Variants in GSG1L observed in about 807,000 individuals in gnomAD.
GSG1L encodes the protein germ cell-specific gene 1-like protein.
A neutral mutation model predicts 42.1 loss-of-function variants in GSG1L; 24 were observed. The ratio of observed to expected loss-of-function variants is 0.57; its 90% CI spans 0.41 to 0.80. The LOEUF (loss-of-function observed/expected upper bound fraction) is 0.80. GSG1L is among the 30% of genes least tolerant of loss of function. The pLI is 0.00. For synonymous variants in GSG1L, 215 were observed against 203.5 expected (o/e 1.06, Z -0.48); for missense variants, 445 against 472.2 (o/e 0.94, Z 0.53).
intron 1 of GSG1L, among the ~76,000 whole-genome samples, chr16:27,998,042 A>G (rs943295751): frequency 6.4e-4 from 98 of 152,024 alleles, no homozygotes; most frequent in African/African-American, 2.1e-3. Flanking sequence ...TTTTTAGTAG[A>G]GATGGGGCTT....
intron 5 of GSG1L, among the ~76,000 whole-genome samples, chr16:27,809,877 C>T (rs2083011639): frequency 6.6e-6 from 1 of 152,172 alleles, no homozygotes; most frequent in South Asian, 2.1e-4. Context: ...ATCTCTGTTC[C>T]CTGACTCTTC....
intron 1 of GSG1L, among the ~76,000 whole-genome samples, chr16:28,035,082 A>G (rs1199277013): frequency 6.6e-6 from 1 of 152,130 alleles, no homozygotes; most frequent in African/African-American, 2.4e-5. Context: ...TGGCATGATC[A>G]TTTAACCTCA....
intron 2 of GSG1L, among the ~76,000 whole-genome samples, chr16:27,931,814 C>G (rs2084660328): frequency 6.6e-6 from 1 of 152,142 alleles, no homozygotes; most frequent in Admixed American, 6.5e-5. Context: ...ACTAAGAGAA[C>G]AGACAGGCAC....
chr16:27,804,609 A>G lies in GSG1L; in HGVS notation c.898+2878T>C, dbSNP rs1046708386. 2.0e-5 allele frequency among the ~76,000 whole-genome samples: 3 copies of G among 150,560 alleles called. No individual in the cohort carries two copies. The East Asian group carries it at 6.0e-4, about 30-fold the overall frequency. On this transcript the variant is annotated intron_variant, in intron 6 of 6. Transcript: ENST00000447459. ...GCTGACGTGCAGCAGATGCTCAATA[A>G]ACACTCACCAAGGAATGAAAGATGA... is the stretch of plus-strand genomic sequence containing the variant.
intron 5 of GSG1L, among the ~76,000 whole-genome samples, chr16:27,808,142 T>C (rs2082990052): frequency 6.6e-6 from 1 of 151,404 alleles, no homozygotes; most frequent in African/African-American, 2.4e-5. Context: ...TGGAGTGTAG[T>C]AGCACAATCG....
intron 3 of GSG1L, among the ~76,000 whole-genome samples, chr16:27,863,896 A>T (rs968150391): frequency 6.6e-6 from 1 of 152,204 alleles, no homozygotes; most frequent in Admixed American, 6.5e-5. Context: ...TACCTAGCTC[A>T]AACTGGGTTT....
chr16:28,029,433 C>G (rs2085932357), intron 1 of GSG1L, among the ~76,000 whole-genome samples: 1 of 152,186 alleles, frequency 6.6e-6, no homozygotes, highest in South Asian at 2.1e-4. Flanking sequence ...TCTAGTCCAT[C>G]TGGCATAGCA....
At chr16:27,983,843 T>C (rs1455026073) in intron 1 of GSG1L, among the ~76,000 whole-genome samples, 1 of 152,200 alleles carries the variant, frequency 6.6e-6, no homozygotes, top group African/African-American at 2.4e-5. Context: ...GCATCTCAGC[T>C]TGCAGGAAAA....
At chr16:27,821,384 C>A (rs1387877725) in intron 5 of GSG1L, among the ~76,000 whole-genome samples, 2 of 152,050 alleles carry the variant, frequency 1.3e-5, no homozygotes, top group Non-Finnish European at 2.9e-5. Flanking sequence ...TCCCATCACC[C>A]AAACCCTGAA....
chr16:27,979,858 G>GAGAA (rs981592995), intron 1 of GSG1L, among the ~76,000 whole-genome samples: 1 of 150,510 alleles, frequency 6.6e-6, no homozygotes, highest in African/African-American at 2.4e-5. Context: ...GGAAGGAAAA[G>GAGAA]AGAAAGAAAG....
chr16:27,931,341 A>C (rs907415803), intron 2 of GSG1L, among the ~76,000 whole-genome samples: 1 of 152,112 alleles, frequency 6.6e-6, no homozygotes, highest in African/African-American at 2.4e-5. Flanking sequence ...ACCGTGCTCA[A>C]ACGGCTGGCT....
chr16:27,915,307 G>C (rs2084441310), intron 2 of GSG1L, among the ~76,000 whole-genome samples: 1 of 152,098 alleles, frequency 6.6e-6, no homozygotes, highest in Non-Finnish European at 1.5e-5. Context: ...GAAGAGCCAA[G>C]GGAGTCTGTG....
At chr16:27,936,965 C>T (rs979162173) in intron 2 of GSG1L, among the ~76,000 whole-genome samples, 8 of 152,320 alleles carry the variant, frequency 5.3e-5, no homozygotes, top group Admixed American at 3.9e-4. Context: ...AACAGAAGAG[C>T]TCTTTTCTGC....
chr16:27,796,691 T>C (rs552610716), intron 6 of GSG1L, among the ~76,000 whole-genome samples: 13 of 152,202 alleles, frequency 8.5e-5, no homozygotes, highest in Non-Finnish European at 1.6e-4. Context: ...TTTTAGGAGA[T>C]TGAATGGGGG....
intron 2 of GSG1L, among the ~76,000 whole-genome samples, chr16:27,941,417 TCCCAACA>T (rs1348562727): frequency 2.7e-5 from 4 of 150,402 alleles, no homozygotes; most frequent in African/African-American, 9.8e-5. Context: ...ATGCCTGTAA[TCCCAACA>T]CTTTAGGAGA....
intron 3 of GSG1L, 95 bp from the exon 4 acceptor site, chr16:27,845,156 C>A: frequency 1.3e-6 from 1 of 791,146 alleles, no homozygotes; most frequent in Non-Finnish European, 2.1e-6. Flanking sequence ...TGCCTGTCTG[C>A]CTGTGATCAC....
intron 2 of GSG1L, among the ~76,000 whole-genome samples, chr16:27,895,278 C>T (rs1394963303): frequency 1.3e-5 from 2 of 152,112 alleles, no homozygotes; most frequent in Non-Finnish European, 2.9e-5. Flanking sequence ...TGCATCATCA[C>T]GTGATGATGG....
chr16:27,947,593 GAA>G (rs879591067), intron 2 of GSG1L, among the ~76,000 whole-genome samples: 11,933 of 113,712 alleles, frequency 0.1, 778 homozygotes, highest in African/African-American at 0.15. Flanking sequence ...AAGAAAGAAA[GAA>G]AGAAAAAGAA....
At chr16:27,860,970 T>C (rs1471304452) in intron 3 of GSG1L, among the ~76,000 whole-genome samples, 1 of 152,152 alleles carries the variant, frequency 6.6e-6, no homozygotes, top group East Asian at 1.9e-4. Context: ...AGGCACTCTC[T>C]CCTGGGCCAG....
Sources: gnomAD v4.1 joint callset for allele counts (sites outside exome capture counted in the v4.1 genomes callset) on GRCh38, gnomAD v4.1.1 for gene constraint, MANE v1.5 for transcripts, NCBI Gene and HGNC (gene_info 2026-07-23, HGNC 2026-07-21) for gene names.